Variants in LRRC4C observed in about 807,000 individuals in gnomAD.
LRRC4C encodes the protein leucine rich repeat containing 4C, also known as leucine-rich repeat-containing protein 4C.
In LRRC4C, 5 loss-of-function variants were observed where a neutral mutation model predicts 33.6. The ratio of observed to expected loss-of-function variants is 0.15; its 90% CI spans 0.08 to 0.31. The LOEUF (loss-of-function observed/expected upper bound fraction) is 0.31, where lower values mean the gene tolerates loss of function less well. Ranked by LOEUF, LRRC4C falls within the 10% of genes least tolerant of loss-of-function variation. LRRC4C has a pLI of 1.00. For synonymous variants in LRRC4C, 329 were observed against 302.0 expected, an observed-to-expected ratio of 1.09 and a Z score of -0.93; for missense variants, 560 against 796.7, an observed-to-expected ratio of 0.70 and a Z score of 3.58.
chr11:40,430,936 G>A (rs1422773935), intron 3 of LRRC4C, among the ~76,000 whole-genome samples: 1 of 118,874 alleles, frequency 8.4e-6, no homozygotes, highest in Non-Finnish European at 1.7e-5. Context: ...ATCACACTCT[G>A]GGGACCGTGG....
intron 4 of LRRC4C, among the ~76,000 whole-genome samples, chr11:40,276,674 A>AGTGTGTGTGTGTGT (rs56155922): frequency 4.2e-4 from 54 of 127,610 alleles, no homozygotes; most frequent in East Asian, 9.9e-4. Context: ...GTGGGAAACA[A>AGTGTGTGTGTGTGT]GTGTGTGTGT....
At chr11:40,771,040 C>G (rs766081094) in intron 2 of LRRC4C, among the ~76,000 whole-genome samples, 6 of 152,206 alleles carry the variant, frequency 3.9e-5, no homozygotes, top group Middle Eastern at 3.2e-3. Flanking sequence ...CTATGCTATT[C>G]CTTAGTGGGG....
intron 1 of LRRC4C, among the ~76,000 whole-genome samples, chr11:41,456,634 ACT>A (rs1279846942): frequency 1.3e-5 from 2 of 152,002 alleles, no homozygotes; most frequent in Non-Finnish European, 2.9e-5. Flanking sequence ...TAAAAATATA[ACT>A]CTGCATATGT....
intron 1 of LRRC4C, among the ~76,000 whole-genome samples, chr11:40,950,696 C>A (rs1194709790): frequency 1.3e-5 from 2 of 151,904 alleles, no homozygotes; most frequent in East Asian, 3.9e-4. Flanking sequence ...ACAAATAATA[C>A]TTAATTGTGT....
intron 1 of LRRC4C, among the ~76,000 whole-genome samples, chr11:41,228,463 T>G (rs972586592): frequency 6.6e-6 from 1 of 152,154 alleles, no homozygotes; most frequent in African/African-American, 2.4e-5. Context: ...CCATCACGGC[T>G]GTGAGACATC....
At chr11:40,267,701 C>T (rs1471886926) in intron 4 of LRRC4C, among the ~76,000 whole-genome samples, 1 of 152,044 alleles carries the variant, frequency 6.6e-6, no homozygotes, top group African/African-American at 2.4e-5. Flanking sequence ...ATTCTGGGAG[C>T]CTCTTTGTGT....
intron 3 of LRRC4C, among the ~76,000 whole-genome samples, chr11:40,502,408 G>A (rs2138637390): frequency 6.6e-6 from 1 of 152,250 alleles, no homozygotes; most frequent in Admixed American, 6.5e-5. Context: ...TGGAGACGGG[G>A]AAGAAGAAAG....
chr11:41,191,756 T>G (rs1270987094), intron 1 of LRRC4C, among the ~76,000 whole-genome samples: 1 of 152,146 alleles, frequency 6.6e-6, no homozygotes, highest in Middle Eastern at 3.2e-3. Context: ...GCAGTTCTAC[T>G]TTTGTCCACT....
intron 3 of LRRC4C, among the ~76,000 whole-genome samples, chr11:40,612,884 T>C (rs547020029): frequency 2.0e-5 from 3 of 152,048 alleles, no homozygotes; most frequent in African/African-American, 7.2e-5. Context: ...TTTGTTTTGG[T>C]TTCTCAGTGC....
intron 1 of LRRC4C, among the ~76,000 whole-genome samples, chr11:40,966,219 T>C (rs937246311): frequency 1.3e-5 from 2 of 152,006 alleles, no homozygotes; most frequent in Non-Finnish European, 2.9e-5. Context: ...CAACATGTCA[T>C]GAAAGAATAG....
intron 2 of LRRC4C, among the ~76,000 whole-genome samples, chr11:40,858,571 T>C (rs1432582178): frequency 6.6e-6 from 1 of 151,576 alleles, no homozygotes. Context: ...GTTGCATGCC[T>C]GTAACACAGT....
At chr11:40,171,980 G>T (rs898812832) in intron 5 of LRRC4C, among the ~76,000 whole-genome samples, 6 of 152,180 alleles carry the variant, frequency 3.9e-5, no homozygotes, top group Non-Finnish European at 7.4e-5. Context: ...TTGCACCACT[G>T]CACTCCGGCC....
chr11:41,336,058 C>T (rs140782096), intron 1 of LRRC4C, among the ~76,000 whole-genome samples: 1 of 152,094 alleles, frequency 6.6e-6, no homozygotes, highest in Admixed American at 6.6e-5. Flanking sequence ...ATCTGGCATC[C>T]CTCAGGCTTT....
intron 2 of LRRC4C, among the ~76,000 whole-genome samples, chr11:40,745,419 T>C (rs898818877): frequency 1.3e-5 from 2 of 152,218 alleles, no homozygotes; most frequent in Middle Eastern, 3.2e-3. Flanking sequence ...GGTATGATTA[T>C]ACTATGAGAA....
At chr11:40,424,857 C>T (rs1419624584) in intron 3 of LRRC4C, among the ~76,000 whole-genome samples, 1 of 152,114 alleles carries the variant, frequency 6.6e-6, no homozygotes, top group Non-Finnish European at 1.5e-5. Flanking sequence ...GGGACTTCGA[C>T]GTTTTAATTT....
At chr11:41,448,419 C>T (rs754711552) in intron 1 of LRRC4C, among the ~76,000 whole-genome samples, 1 of 150,898 alleles carries the variant, frequency 6.6e-6, no homozygotes, top group Non-Finnish European at 1.5e-5. Context: ...AGTTCTCCTG[C>T]CTCAGCCTCC....
intron 1 of LRRC4C, among the ~76,000 whole-genome samples, chr11:41,315,434 G>T (rs896716061): frequency 6.6e-6 from 1 of 152,144 alleles, no homozygotes; most frequent in African/African-American, 2.4e-5. Context: ...TGTTTTGAGG[G>T]AAAACAGGTG....
intron 2 of LRRC4C, among the ~76,000 whole-genome samples, chr11:40,721,601 A>G (rs1402369992): frequency 1.3e-5 from 2 of 152,228 alleles, no homozygotes; most frequent in African/African-American, 4.8e-5. Context: ...TAGATACCCA[A>G]TAATATTAGA....
At chr11:41,077,547 G>A (rs1939244588) in intron 1 of LRRC4C, among the ~76,000 whole-genome samples, 1 of 152,202 alleles carries the variant, frequency 6.6e-6, no homozygotes, top group African/African-American at 2.4e-5. Context: ...GAGCTGGAGT[G>A]GCTGAGATGG....
Sources: allele counts gnomAD v4.1 joint callset (sites outside exome capture counted in the v4.1 genomes callset), GRCh38; gene constraint gnomAD v4.1.1; transcripts MANE v1.5; gene names NCBI Gene and HGNC (gene_info 2026-07-23, HGNC 2026-07-21).